ELAVL2: variants seen among roughly 807,000 people sequenced by gnomAD.
ELAVL2 encodes the protein ELAV-like protein 2.
In ELAVL2, 4 loss-of-function variants were observed where a neutral mutation model predicts 34.6. The observed-to-expected ratio is 0.12, with a 90% CI of 0.06 to 0.26. ELAVL2 has a LOEUF of 0.26. Among genes scored for constraint, ELAVL2 ranks in the 10% least tolerant of loss-of-function variants. ELAVL2 has a pLI of 1.00. For missense variants in ELAVL2, 432 were observed against 442.8 expected (o/e 0.98, Z 0.22); for synonymous variants, 193 against 154.8 (o/e 1.25, Z -1.83).
chr9:23,801,318 G>A (rs2061541228), intron 1 of ELAVL2, among the ~76,000 whole-genome samples: 1 of 152,162 alleles, frequency 6.6e-6, no homozygotes, highest in African/African-American at 2.4e-5. Context: ...TTCTCAGGTA[G>A]AAGATTTTTT....
intron 1 of ELAVL2, among the ~76,000 whole-genome samples, chr9:23,782,086 G>A (rs1172541851): frequency 6.6e-6 from 1 of 152,100 alleles, no homozygotes; most frequent in Admixed American, 6.5e-5. Flanking sequence ...CTCTCAAAGT[G>A]CTAGAATTAC....
chr9:23,831,802 TAA>T, the ELAVL2 span, among the ~76,000 whole-genome samples: 14 of 146,452 alleles, frequency 9.6e-5, no homozygotes, highest in East Asian at 2.0e-4. Flanking sequence ...GAATATTGTT[TAA>T]AAAAAAAAAA....
At chr9:23,818,342 G>C (rs1048605856) in intron 1 of ELAVL2, among the ~76,000 whole-genome samples, 1 of 152,148 alleles carries the variant, frequency 6.6e-6, no homozygotes, top group African/African-American at 2.4e-5. Flanking sequence ...GGGTCCCAGT[G>C]CAAGATGAAA....
the ELAVL2 span, among the ~76,000 whole-genome samples, chr9:23,845,387 T>G: frequency 6.6e-6 from 1 of 151,858 alleles, no homozygotes; most frequent in African/African-American, 2.4e-5. Context: ...AACAGAAAAT[T>G]ATATAAACAT....
intron 2 of ELAVL2, among the ~76,000 whole-genome samples, chr9:23,759,754 T>TTATTTATATATATA (rs1554719966): frequency 2.5e-5 from 2 of 81,352 alleles, no homozygotes; most frequent in African/African-American, 4.3e-5. Flanking sequence ...ATATATAGTA[T>TTATTTATATATATA]TATATATATA....
Position 23,762,072 on chromosome 9 carries a change from G to C in ELAVL2, c.163C>G (p.Leu55Val). ...CCAATGCTCCCAAAGAGACTCTTTAGTTCCTCCTGTGTCATGTTCTGAGGA... is the reference window on the plus strand; with the variant it reads ...CCAATGCTCCCAAAGAGACTCTTTACTTCCTCCTGTGTCATGTTCTGAGGA... ...YLPQNMTQEE[L>V]KSLFGSIGEI... The change falls in exon 2 of 7, where the codon CTA becomes GTA. Residue 55 changes from leucine to valine, a missense_variant. Physicochemically the swap from Leu to Val is conservative, Grantham distance 32. This residue lies in a region of ELAVL2 where 132 missense variants were observed against 118.3 expected (regional missense o/e 1.12). Coordinates refer to ENST00000397312, the MANE Select transcript of ELAVL2 (RefSeq NM_004432.5). 1 of 1,613,420 alleles carries C rather than the reference G, an allele frequency of 6.2e-7. No homozygotes were observed.
chr9:23,792,770 ATTTTTC>A (rs112002345), intron 1 of ELAVL2, among the ~76,000 whole-genome samples: 3 of 151,040 alleles, frequency 2.0e-5, no homozygotes, highest in African/African-American at 7.3e-5. Flanking sequence ...CTTTTTTCAT[ATTTTTC>A]TTTTATTTTT....
chr9:23,769,150 C>G (rs558955367), intron 1 of ELAVL2, among the ~76,000 whole-genome samples: 61 of 152,270 alleles, frequency 4.0e-4, no homozygotes, highest in East Asian at 9.7e-4. Flanking sequence ...TGCCAAGTTA[C>G]AGATGAACAG....
In ELAVL2 at chr9:23,720,378, T is replaced by A. The variant is rs532942091; in HGVS notation, c.333+10644A>T. ...TTAGTAGAGATGGGGTTTCGTCATG[T>A]TGGCGGCCAAGCTGATCCTGAACTT... On this transcript the variant is annotated intron_variant, in intron 3 of 6. Coordinates refer to ENST00000397312, the MANE Select transcript of ELAVL2 (RefSeq NM_004432.5). Among the ~76,000 whole-genome samples the A allele has an allele frequency of 3.3e-5, 5 of 151,044 alleles. No individual in the cohort carries two copies. The East Asian group carries it at 1.0e-3, about 30-fold the overall frequency.
intron 2 of ELAVL2, among the ~76,000 whole-genome samples, chr9:23,731,408 A>T (rs533261122): frequency 6.6e-6 from 1 of 152,184 alleles, no homozygotes; most frequent in South Asian, 2.1e-4. Context: ...GTATACCATC[A>T]GCAAGACAAG....
chr9:23,797,836 G>A (rs1413156884), intron 1 of ELAVL2, among the ~76,000 whole-genome samples: 2 of 152,176 alleles, frequency 1.3e-5, no homozygotes, highest in Admixed American at 6.5e-5. Flanking sequence ...GCTGAGGCAG[G>A]AGAATCTCTT....
chr9:23,728,113 T>C (rs569605442), intron 3 of ELAVL2, among the ~76,000 whole-genome samples: 17 of 125,606 alleles, frequency 1.4e-4, no homozygotes, highest in Admixed American at 7.8e-4. Context: ...CTTGGCTAAA[T>C]TGTATGACCA....
intron 1 of ELAVL2, among the ~76,000 whole-genome samples, chr9:23,806,650 G>C (rs181275004): frequency 1.3e-5 from 2 of 151,734 alleles, no homozygotes; most frequent in Non-Finnish European, 2.9e-5. Flanking sequence ...AAGACAATAA[G>C]ACCCACTATA....
chr9:23,731,771 G>A (rs558346491), intron 2 of ELAVL2, among the ~76,000 whole-genome samples: 2 of 152,102 alleles, frequency 1.3e-5, no homozygotes, highest in South Asian at 2.1e-4. Context: ...GGATGACATC[G>A]AAGACAATGA....
At chr9:23,791,350 A>G (rs554538430) in intron 1 of ELAVL2, among the ~76,000 whole-genome samples, 2 of 152,294 alleles carry the variant, frequency 1.3e-5, no homozygotes, top group African/African-American at 4.8e-5. Context: ...GAAAAGAATC[A>G]TTTCTGTTCA....
chr9:23,819,858 CTCT>C (rs2064283622), intron 1 of ELAVL2, among the ~76,000 whole-genome samples: 5 of 152,188 alleles, frequency 3.3e-5, no homozygotes, highest in African/African-American at 1.2e-4. Context: ...TGTTTTCTTC[CTCT>C]TCTTTCTCTC....
At chr9:23,723,053 T>C (rs1275828112) in intron 3 of ELAVL2, among the ~76,000 whole-genome samples, 1 of 152,158 alleles carries the variant, frequency 6.6e-6, no homozygotes, top group East Asian at 1.9e-4. Context: ...GGGCTAGCAG[T>C]GTGATGTTCA....
At chr9:23,711,838 A>G (rs541962966) in intron 3 of ELAVL2, among the ~76,000 whole-genome samples, 18 of 152,238 alleles carry the variant, frequency 1.2e-4, no homozygotes, top group Non-Finnish European at 2.2e-4. Context: ...ACTCACTGTA[A>G]TGAAGATGAT....
At chr9:23,838,124 T>C in the ELAVL2 span, among the ~76,000 whole-genome samples, 2 of 152,296 alleles carry the variant, frequency 1.3e-5, no homozygotes, top group East Asian at 3.9e-4. Flanking sequence ...TTATTAAGCA[T>C]ATTAAACATC....
Sources: gnomAD v4.1 joint callset for allele counts (sites outside exome capture counted in the v4.1 genomes callset) on GRCh38, gnomAD v4.1.1 for gene constraint, gnomAD v4.1.1 regional missense constraint, MANE v1.5 for transcripts, NCBI Gene and HGNC (gene_info 2026-07-23, HGNC 2026-07-21) for gene names.